Variants in MDN1 observed in about 807,000 individuals in gnomAD.
MDN1 encodes the protein midasin.
A neutral mutation model predicts 669.2 loss-of-function variants in MDN1; 266 were observed. The observed-to-expected ratio is 0.40, with a 90% confidence interval of 0.36 to 0.44. The LOEUF (loss-of-function observed/expected upper bound fraction) is 0.44, where lower values mean the gene tolerates loss of function less well. Ranked by LOEUF, MDN1 falls within the 20% of genes least tolerant of loss-of-function variation. The pLI, the probability that MDN1 is intolerant of heterozygous loss-of-function variation, is 1.00. For missense variants in MDN1, 5,940 were observed against 6,754.0 expected, an observed-to-expected ratio of 0.88 and a Z score of 4.22; for synonymous variants, 2,385 against 2,457.1, an observed-to-expected ratio of 0.97 and a Z score of 0.87.
At chr6:89,750,312 A>G (rs1351095432) in intron 24 of MDN1, 42 bp downstream of exon 24, 1 of 1,532,320 alleles carries the variant, frequency 6.5e-7, no homozygotes, top group East Asian at 2.3e-5. Flanking sequence ...TGTGTGTGAA[A>G]GAATAAACAC....
intron 84 of MDN1, among the ~76,000 whole-genome samples, chr6:89,664,994 C>T (rs1810081320): frequency 6.6e-6 from 1 of 152,194 alleles, no homozygotes; most frequent in Non-Finnish European, 1.5e-5. Context: ...GAATCTTGGT[C>T]ATTCTTCCTT....
intron 2 of MDN1, among the ~76,000 whole-genome samples, chr6:89,795,667 G>T (rs1299980274): frequency 6.6e-6 from 1 of 151,622 alleles, no homozygotes; most frequent in African/African-American, 2.4e-5. Flanking sequence ...AGAAATAAAA[G>T]ACAGGGCTGG....
intron 7 of MDN1, among the ~76,000 whole-genome samples, chr6:89,789,178 A>G (rs1819125645): frequency 1.3e-5 from 2 of 152,184 alleles, no homozygotes; most frequent in African/African-American, 2.4e-5. Context: ...AACTCTGTCC[A>G]AAGGAAGAAT....
intron 6 of MDN1, 35 bp downstream of exon 6, chr6:89,790,124 T>C: frequency 6.2e-7 from 1 of 1,613,108 alleles, no homozygotes; most frequent in Non-Finnish European, 8.5e-7. Context: ...TTTACAAGCA[T>C]GACAAGCCAC....
At position 89,718,844 on chromosome 6, in the gene MDN1, GGT is replaced by G; in HGVS notation, c.6242_6243del (p.His2081ProfsTer19). 1 of 1,614,172 alleles carries G rather than the reference GGT, an allele frequency of 6.2e-7. No homozygotes were observed. Among genetic ancestry groups the G allele is most frequent in the Non-Finnish European group, 8.5e-7 (1 of 1,180,032 alleles). On this transcript the variant is annotated frameshift_variant, in exon 42 of 102. Transcript: ENST00000369393. LOFTEE classifies it high-confidence loss of function. Reference sequence around the variant, plus strand: ...ATGATCTTTAATGTGTGGCCAGTAAGGTGTGCCAGAAGCTGGACCAGGCTGGT... The same window carrying G: ...ATGATCTTTAATGTGTGGCCAGTAAGGTGCCAGAAGCTGGACCAGGCTGGT... ...GKTSLVQLLAHLTGHTLKIMA... is the reference protein window; with the variant it reads ...GKTSLVQLLAXLTGHTLKIMA...
chr6:89,687,439 C>CT lies in MDN1; in HGVS notation c.11356-2dup, dbSNP rs754293947. The CT allele has an allele frequency of 6.8e-6, 11 of 1,612,700 alleles. No individual in the cohort carries two copies. The Admixed American group carries it at 1.3e-4, about 20-fold the overall frequency. ...CTCGACTTGCATTTTCCTCCCAATC[C>CT]TAAAGAAACAAAGATAAAATTTACT... On this transcript the variant is annotated splice_acceptor_variant, in intron 67 of 101. Coordinates refer to ENST00000369393, the MANE Select transcript of MDN1 (RefSeq NM_014611.3). LOFTEE classifies it high-confidence loss of function.
At chr6:89,768,516 T>C (rs975617391) in intron 15 of MDN1, among the ~76,000 whole-genome samples, 11 of 152,158 alleles carry the variant, frequency 7.2e-5, no homozygotes, top group African/African-American at 2.7e-4. Context: ...TATGTCTTTA[T>C]CAGCAGTGTG....
intron 33 of MDN1, among the ~76,000 whole-genome samples, chr6:89,733,526 T>A (rs1198181536): frequency 6.6e-6 from 1 of 151,846 alleles, no homozygotes; most frequent in Non-Finnish European, 1.5e-5. Flanking sequence ...AAGGAAGCAC[T>A]GCTATAATAT....
Position 89,719,688 on chromosome 6 carries a change from A to G in MDN1, c.5968-463T>C, listed in dbSNP as rs1453969996. ...TAGATTATTTCTGATCTTTATACCC[A>G]TGCAAAATAGTTACCATGTCCATTT... On this transcript the variant is annotated intron_variant, in intron 40 of 101. Coordinates refer to ENST00000369393, the MANE Select transcript of MDN1 (RefSeq NM_014611.3). 2.6e-5 allele frequency among the ~76,000 whole-genome samples: 4 copies of G among 152,368 alleles called. No homozygotes were observed. In the East Asian group the frequency reaches 5.8e-4, roughly 22 times the overall value.
chr6:89,761,904 A>G (rs1185824553), intron 16 of MDN1, among the ~76,000 whole-genome samples, 156 bp from the exon 17 acceptor site: 1 of 152,252 alleles, frequency 6.6e-6, no homozygotes, highest in South Asian at 2.1e-4. Context: ...AATGCCAGAC[A>G]TGACACTAAT....
chr6:89,746,995 C>G (rs939826534), intron 27 of MDN1, among the ~76,000 whole-genome samples: 1 of 152,170 alleles, frequency 6.6e-6, no homozygotes, highest in Non-Finnish European at 1.5e-5. Context: ...AAAGCACTAG[C>G]CAGACTACCT....
At chr6:89,690,639 C>A in intron 64 of MDN1, 34 bp downstream of exon 64, 1 of 1,611,890 alleles carries the variant, frequency 6.2e-7, no homozygotes, top group Non-Finnish European at 8.5e-7. Flanking sequence ...CAAGGGAATT[C>A]ATTCCAAAAC....
rs760523007 is a variant in MDN1, at chr6:89,718,987, G to C, written c.6101C>G (p.Pro2034Arg). Reference sequence around the variant, plus strand: ...CAGGAGCAACAGGGGATGGCGGGACGGGTGAGGAACACAGCTCCCACGGGA... The same window carrying C: ...CAGGAGCAACAGGGGATGGCGGGACCGGTGAGGAACACAGCTCCCACGGGA... The part of the protein sequence containing the change: ...VLSRGSCVPH[P>R]SRHPLLLLHQ... Residue 2034 changes from proline (P) to arginine (R), a missense_variant, in exon 42 of 102, where the codon CCG becomes CGG. Physicochemically the swap from Pro to Arg is moderately radical, Grantham distance 103. Coordinates refer to ENST00000369393, the MANE Select transcript of MDN1 (RefSeq NM_014611.3). 8 of 1,614,142 alleles carry C rather than the reference G, an allele frequency of 5.0e-6. No homozygotes were observed. The highest frequency in any genetic ancestry group is 3.3e-4 in the Middle Eastern group (2 of 6,062).
intron 33 of MDN1, among the ~76,000 whole-genome samples, chr6:89,736,835 G>A (rs1199604046): frequency 1.3e-5 from 2 of 152,096 alleles, no homozygotes; most frequent in African/African-American, 4.8e-5. Flanking sequence ...TTCTTTTACT[G>A]GAATTCTCAC....
intron 9 of MDN1, among the ~76,000 whole-genome samples, chr6:89,783,936 C>T (rs376237738): frequency 1.1e-4 from 16 of 150,060 alleles, no homozygotes; most frequent in Admixed American, 3.3e-4. Flanking sequence ...GAGCCAAGAT[C>T]GTGCCACAGA....
intron 15 of MDN1, among the ~76,000 whole-genome samples, chr6:89,769,452 G>A (rs1486137938): frequency 6.6e-6 from 1 of 152,150 alleles, no homozygotes. Flanking sequence ...CACTTCAGGA[G>A]GCTGAAGCAG....
rs963814824 is a variant in MDN1 at position 89,700,169 on chromosome 6, T to C, written c.8764A>G (p.Ile2922Val). ...SLSHPDLTSVIHLTRSVQLWP... is the reference protein window; with the variant it reads ...SLSHPDLTSVVHLTRSVQLWP... The stretch of plus-strand genomic sequence containing the variant: ...AACTGAACACTCCTGGTGAGGTGGA[T>C]TACGGAGGTCAAGTCTGGATGGGAC... Residue 2922 changes from isoleucine (I) to valine (V), a missense_variant, in exon 57 of 102, where the codon ATC becomes GTC. Coordinates refer to ENST00000369393, the MANE Select transcript of MDN1 (RefSeq NM_014611.3). The C allele has an allele frequency of 1.9e-6, 3 of 1,614,022 alleles. No individual in the cohort carries two copies. The South Asian group carries it at 3.3e-5, about 18-fold the overall frequency.
At position 89,661,504 on chromosome 6, in the gene MDN1, G is replaced by T; in HGVS notation, c.14640C>A (p.Asp4880Glu). ...QEKVPEPEAL[D>E]LPDDLNLDSE... ...TGTCGAGGTTCAAGTCATCTGGAAG[G>T]TCCAAAGCCTCGGGTTCTGGCACCT... is the stretch of plus-strand genomic sequence containing the variant. Residue 4880 changes from aspartate to glutamate, a missense_variant, in exon 88 of 102, where the codon GAC becomes GAA. This residue lies in a region of MDN1 where 2,280 missense variants were observed against 2,576.3 expected (regional missense o/e 0.88). Transcript: ENST00000369393. 6.2e-7 allele frequency: 1 copy of T among 1,614,150 alleles called. No homozygotes were observed. Among genetic ancestry groups the T allele is most frequent in the Non-Finnish European group, 8.5e-7 (1 of 1,179,996 alleles).
rs762233772 is a variant in MDN1 at position 89,758,874 on chromosome 6, C to A, written c.2547G>T (p.Leu849=). 1 of 1,614,158 alleles carries A rather than the reference C, an allele frequency of 6.2e-7. No homozygotes were observed. The highest frequency in any genetic ancestry group is 1.1e-5 in the South Asian group (1 of 91,086). The change falls in exon 18 of 102, where the codon CTG becomes CTT. Residue 849 remains leucine, a synonymous_variant. Transcript: ENST00000369393. ...CAGAAGATCCTTCAAGCAAACCACT[C>A]AGACATTCTAGTATTTCTGGAGCAG... ...NLAAPEILEC[L]SGLLEGSSGS... is the part of the protein sequence containing the mutation.
Sources: allele counts gnomAD v4.1 joint callset (sites outside exome capture counted in the v4.1 genomes callset), GRCh38; gene constraint gnomAD v4.1.1; regional missense constraint gnomAD v4.1.1; transcripts MANE v1.5; gene names NCBI Gene and HGNC (gene_info 2026-07-23, HGNC 2026-07-21).